The following MRTFB variants were observed in gnomAD, a reference collection of about 807,000 sequenced individuals.
MRTFB encodes the protein myocardin related transcription factor B.
Under a neutral mutation model 104.2 loss-of-function variants are expected in MRTFB, and 29 were observed. The observed-to-expected ratio is 0.28, with a 90% CI of 0.21 to 0.38. The LOEUF (loss-of-function observed/expected upper bound fraction) is 0.38. Ranked by LOEUF, MRTFB falls within the 10% of genes least tolerant of loss-of-function variation. The pLI, the probability that MRTFB is intolerant of heterozygous loss-of-function variation, is 1.00. For missense variants in MRTFB, 1,270 were observed against 1,341.6 expected, an observed-to-expected ratio of 0.95 and a Z score of 0.83; for synonymous variants, 535 against 519.5, an observed-to-expected ratio of 1.03 and a Z score of -0.41.
chr16:14,260,977 A>G lies in MRTFB; in HGVS notation c.2833A>G (p.Thr945Ala), dbSNP rs765484737. The part of the protein sequence containing the change: ...SKMRPVTASI[T>A]TMPVNTVVSR... ...AATGAGACCAGTGACAGCCAGCATC[A>G]CCACAATGCCAGTGAATACAGTGGT... Residue 945 changes from threonine (T) to alanine (A), a missense_variant, in exon 17 of 17, where the codon ACC becomes GCC. This residue lies in a region of MRTFB where 1,144 missense variants were observed against 1,131.5 expected (regional missense o/e 1.01). Coordinates refer to ENST00000571589, the MANE Select transcript of MRTFB (RefSeq NM_001308142.2). 6.2e-7 allele frequency: 1 copy of G among 1,614,168 alleles called. No individual in the cohort carries two copies.
chr16:14,118,382 T>C (rs2036656378), intron 2 of MRTFB, among the ~76,000 whole-genome samples: 1 of 151,520 alleles, frequency 6.6e-6, no homozygotes, highest in South Asian at 2.1e-4. Context: ...ACTCAAGCGA[T>C]CTGCCCGCCT....
At chr16:14,167,888 C>T (rs781725116) in intron 3 of MRTFB, among the ~76,000 whole-genome samples, 1 of 151,996 alleles carries the variant, frequency 6.6e-6, no homozygotes, top group Non-Finnish European at 1.5e-5. Flanking sequence ...GGGGTTTCAC[C>T]GTGTTAACCA....
intron 3 of MRTFB, chr16:14,186,811 A>T: frequency 6.4e-7 from 1 of 1,572,074 alleles, no homozygotes; most frequent in Non-Finnish European, 8.5e-7. Flanking sequence ...GTGGGGAGCA[A>T]CCAGGGACCC....
At chr16:14,051,950 G>A in the MRTFB span, among the ~76,000 whole-genome samples, 2 of 151,788 alleles carry the variant, frequency 1.3e-5, no homozygotes, top group African/African-American at 2.4e-5. Context: ...CTTCCCTCTC[G>A]TGAATGTGCT....
intron 3 of MRTFB, among the ~76,000 whole-genome samples, chr16:14,161,959 T>G (rs1459440985): frequency 6.6e-6 from 1 of 152,070 alleles, no homozygotes; most frequent in African/African-American, 2.4e-5. Flanking sequence ...AATTCTACCC[T>G]GGGTGTCAGA....
chr16:14,111,016 C>T (rs1567334504), intron 2 of MRTFB, among the ~76,000 whole-genome samples: 1 of 152,178 alleles, frequency 6.6e-6, no homozygotes, highest in East Asian at 1.9e-4. Context: ...ACTTTGTTTT[C>T]TCTTTCTAAC....
chr16:14,223,172 T>A (rs1043596045), intron 8 of MRTFB, among the ~76,000 whole-genome samples: 1 of 151,954 alleles, frequency 6.6e-6, no homozygotes, highest in South Asian at 2.1e-4. Context: ...TAGCTGGGCG[T>A]GGTAGTGCAT....
At chr16:14,083,100 A>AT (rs1224626018) in intron 2 of MRTFB, among the ~76,000 whole-genome samples, 4 of 150,594 alleles carry the variant, frequency 2.7e-5, no homozygotes, top group East Asian at 2.0e-4. Context: ...TAAGTATTTT[A>AT]TTTTTTTGGT....
chr16:14,140,874 G>A (rs1215094595), intron 3 of MRTFB, 114 bp downstream of exon 3: 2 of 1,155,868 alleles, frequency 1.7e-6, no homozygotes, highest in African/African-American at 3.1e-5. Flanking sequence ...CTGTCATGGA[G>A]GAGAACCCTG....
At chr16:14,017,721 T>A in the MRTFB span, among the ~76,000 whole-genome samples, 12 of 70,822 alleles carry the variant, frequency 1.7e-4, no homozygotes, top group South Asian at 5.3e-4. Context: ...ATTTTTTTTT[T>A]TTTTTTTTTT....
chr16:14,068,963 C>CTTTTTTTT (rs989515330), upstream of MRTFB, among the ~76,000 whole-genome samples: 14 of 100,176 alleles, frequency 1.4e-4, no homozygotes, highest in African/African-American at 5.6e-4. Context: ...GATTCTCCAG[C>CTTTTTTTT]TTTTTTTTTT....
In MRTFB at chr16:14,188,944, CTTTATA is replaced by C. The variant is rs770042023; in HGVS notation, c.155-21294_155-21289del. Among the ~76,000 whole-genome samples, 131 of 152,126 alleles carry C rather than the reference CTTTATA, an allele frequency of 8.6e-4. 2 individuals are homozygous for C. Among genetic ancestry groups the C allele is most frequent in the Non-Finnish European group, 1.7e-3 (118 of 68,006 alleles). ...GATATAAAGAGGTAGAGGAGAGAAA[CTTTATA>C]TTTAAAACACTCCACAGAAATAACT... On this transcript the variant is annotated intron_variant, in intron 3 of 16. Coordinates refer to ENST00000571589, the MANE Select transcript of MRTFB (RefSeq NM_001308142.2).
At chr16:14,110,398 A>G (rs1415324255) in intron 2 of MRTFB, among the ~76,000 whole-genome samples, 2 of 152,222 alleles carry the variant, frequency 1.3e-5, no homozygotes, top group Non-Finnish European at 2.9e-5. Flanking sequence ...GGAGCTCTGA[A>G]GGCAGTCAGG....
the MRTFB span, among the ~76,000 whole-genome samples, chr16:14,059,599 A>T: frequency 3.3e-5 from 5 of 152,214 alleles, no homozygotes; most frequent in Non-Finnish European, 2.9e-5. Context: ...ACACTGTGGA[A>T]GATGGTGACA....
chr16:14,129,297 A>G (rs925588360), intron 2 of MRTFB, among the ~76,000 whole-genome samples: 1 of 149,606 alleles, frequency 6.7e-6, no homozygotes, highest in Non-Finnish European at 1.5e-5. Context: ...TCACTTATTT[A>G]AAGTATAAAA....
intron 1 of MRTFB, among the ~76,000 whole-genome samples, chr16:14,075,608 T>C (rs905742947): frequency 1.3e-5 from 2 of 152,270 alleles, no homozygotes; most frequent in Non-Finnish European, 2.9e-5. Context: ...TATCAGGTGA[T>C]GCTGATGCTG....
At chr16:14,109,316 G>C (rs962039068) in intron 2 of MRTFB, among the ~76,000 whole-genome samples, 1 of 152,122 alleles carries the variant, frequency 6.6e-6, no homozygotes, top group Non-Finnish European at 1.5e-5. Context: ...TCACAAAAGA[G>C]AATGTCTCGA....
intron 13 of MRTFB, among the ~76,000 whole-genome samples, chr16:14,250,468 G>A (rs77468812): frequency 6.6e-6 from 1 of 152,196 alleles, no homozygotes; most frequent in South Asian, 2.1e-4. Context: ...ACAGCAAGAA[G>A]TTCTCACCTT....
At chr16:14,053,343 G>A in the MRTFB span, among the ~76,000 whole-genome samples, 1 of 152,022 alleles carries the variant, frequency 6.6e-6, no homozygotes, top group African/African-American at 2.4e-5. Context: ...CAGTTAGGTG[G>A]AATCCATATC....
Sources: gnomAD v4.1 joint callset for allele counts (sites outside exome capture counted in the v4.1 genomes callset) on GRCh38, gnomAD v4.1.1 for gene constraint, gnomAD v4.1.1 regional missense constraint, MANE v1.5 for transcripts, NCBI Gene and HGNC (gene_info 2026-07-23, HGNC 2026-07-21) for gene names.